The following SLC67A1 variants were observed in gnomAD, a reference collection of about 807,000 sequenced individuals.
SLC67A1 encodes solute carrier family 67 member 1.
the SLC67A1 span, chr11:2,909,210 G>A: frequency 2.6e-3 from 3,939 of 1,536,602 alleles, 114 homozygotes; most frequent in East Asian, 0.047. Context: ...GCAGACCAGC[G>A]CGGGGCGCGG....
chr11:2,919,810 AG>A, the SLC67A1 span: 4 of 185,590 alleles, frequency 2.2e-5, no homozygotes, highest in African/African-American at 9.4e-5. Context: ...GAGGTCCCAT[AG>A]GAGCAAGACG....
chr11:2,923,941 C>G, the SLC67A1 span, among the ~76,000 whole-genome samples: 1 of 152,212 alleles, frequency 6.6e-6, no homozygotes, highest in Admixed American at 6.5e-5. This position sits in a 1 kb window ranked among gnomAD's most constrained non-coding sequence, Gnocchi z 6.5. Flanking sequence ...GCCCTGAGCC[C>G]AGGTGGGGCC....
chr11:2,922,374 C>A, the SLC67A1 span: 1 of 1,586,162 alleles, frequency 6.3e-7, no homozygotes, highest in South Asian at 1.1e-5. Flanking sequence ...CAGGTAAGAC[C>A]CCAGAGAGGA....
chr11:2,905,170 C>T, the SLC67A1 span, among the ~76,000 whole-genome samples: 1 of 152,170 alleles, frequency 6.6e-6, no homozygotes, highest in Admixed American at 6.5e-5. Flanking sequence ...CACAGAGGCT[C>T]TGGGGCCCTG....
At chr11:2,903,163 C>G in the SLC67A1 span, 1 of 1,413,780 alleles carries the variant, frequency 7.1e-7, no homozygotes, top group South Asian at 1.5e-5. Context: ...GTCCAGGTAG[C>G]AGGAGAGCTC....
At chr11:2,914,073 G>A in the SLC67A1 span, among the ~76,000 whole-genome samples, 39,642 of 152,126 alleles carry the variant, frequency 0.26, 6,375 homozygotes, top group East Asian at 0.59. Flanking sequence ...AGGAAATGAG[G>A]TCACCTAGCA....
the SLC67A1 span, chr11:2,915,042 G>T: frequency 1.0e-6 from 1 of 985,436 alleles, no homozygotes; most frequent in Non-Finnish European, 1.2e-6. Flanking sequence ...GGTGGGTGCT[G>T]CAGGAGTCGG....
At chr11:2,917,168 G>A in the SLC67A1 span, 1 of 205,782 alleles carries the variant, frequency 4.9e-6, no homozygotes, top group Non-Finnish European at 1.1e-5. Context: ...TTGGTGGAGG[G>A]CAGAGGATGG....
chr11:2,903,803 C>T, the SLC67A1 span: 1 of 388,968 alleles, frequency 2.6e-6, no homozygotes, highest in African/African-American at 2.0e-5. Flanking sequence ...ACCCGGCAGC[C>T]TTTGCCCTCT....
chr11:2,904,578 T>A, the SLC67A1 span, among the ~76,000 whole-genome samples: 9 of 152,354 alleles, frequency 5.9e-5, no homozygotes, highest in African/African-American at 2.2e-4. Context: ...TTCCCACAGC[T>A]GGGCACAGAG....
chr11:2,921,859 C>T, the SLC67A1 span: 1 of 544,476 alleles, frequency 1.8e-6, no homozygotes, highest in Non-Finnish European at 3.3e-6. Context: ...TGGGCCTTTC[C>T]TTCCTCCCTT....
At chr11:2,906,897 A>G in the SLC67A1 span, among the ~76,000 whole-genome samples, 7 of 150,320 alleles carry the variant, frequency 4.7e-5, no homozygotes, top group East Asian at 2.0e-4. Context: ...GAAAAAAAAA[A>G]AGAGAAGCTC....
the SLC67A1 span, chr11:2,919,705 C>G: frequency 2.2e-6 from 1 of 447,328 alleles, no homozygotes; most frequent in Non-Finnish European, 4.0e-6. Context: ...CTCTCCAAAT[C>G]TGTCCCATGA....
At chr11:2,902,486 C>CCT in the SLC67A1 span, 135 of 695,792 alleles carry the variant, frequency 1.9e-4, no homozygotes, top group Non-Finnish European at 2.3e-4. Flanking sequence ...CCTGCTCCCC[C>CCT]CAGCCTCCCT....
the SLC67A1 span, among the ~76,000 whole-genome samples, chr11:2,913,375 C>A: frequency 6.6e-6 from 1 of 152,126 alleles, no homozygotes; most frequent in Non-Finnish European, 1.5e-5. Flanking sequence ...TCCTGCTGGG[C>A]CCGTGAGTCA....
chr11:2,909,267 T>C, the SLC67A1 span: 4 of 1,535,670 alleles, frequency 2.6e-6, no homozygotes, highest in Non-Finnish European at 3.5e-6. Context: ...CTCTACCTGC[T>C]CCTGGCGGCC....
chr11:2,907,335 A>C, the SLC67A1 span, among the ~76,000 whole-genome samples: 2 of 152,208 alleles, frequency 1.3e-5, no homozygotes, highest in African/African-American at 2.4e-5. This position sits in a 1 kb window ranked among gnomAD's most constrained non-coding sequence, Gnocchi z 6.7. Flanking sequence ...GTCTGAGATC[A>C]AGGCTCCCTC....
chr11:2,905,580 T>A, the SLC67A1 span, among the ~76,000 whole-genome samples: 1 of 152,242 alleles, frequency 6.6e-6, no homozygotes, highest in Non-Finnish European at 1.5e-5. Context: ...CTGTCATTGA[T>A]GGACATTTGG....
At chr11:2,900,463 G>C in the SLC67A1 span, among the ~76,000 whole-genome samples, 8 of 152,136 alleles carry the variant, frequency 5.3e-5, no homozygotes, top group South Asian at 1.7e-3. Context: ...GAGGCCGAGG[G>C]GGGGCGGATC....
Sources: gnomAD v4.1 joint callset for allele counts (sites outside exome capture counted in the v4.1 genomes callset) on GRCh38, gnomAD v4.1.1 for gene constraint, Gnocchi (gnomAD v3.1) non-coding constraint, MANE v1.5 for transcripts, NCBI Gene and HGNC (gene_info 2026-07-23, HGNC 2026-07-21) for gene names.